The following DNAH9 variants were observed in gnomAD, a reference collection of about 807,000 sequenced individuals.
The protein encoded by DNAH9 is DNAH9 variant protein.
A neutral mutation model predicts 471.6 loss-of-function variants in DNAH9; 345 were observed. The observed-to-expected ratio is 0.73, with a 90% CI of 0.67 to 0.80. DNAH9 has a LOEUF of 0.80. Among genes scored for constraint, DNAH9 ranks in the 30% least tolerant of loss-of-function variants. The pLI is 0.00. For missense variants in DNAH9, 5,407 were observed against 5,609.2 expected, an observed-to-expected ratio of 0.96 and a Z score of 1.15; for synonymous variants, 2,093 against 2,123.6, an observed-to-expected ratio of 0.99 and a Z score of 0.40.
chr17:11,639,205 C>T (rs1299377991), intron 9 of DNAH9, among the ~76,000 whole-genome samples: 2 of 152,074 alleles, frequency 1.3e-5, no homozygotes, highest in African/African-American at 4.8e-5. Flanking sequence ...CATTGGGGGT[C>T]ATCTTAGAGT....
chr17:11,630,720 T>A (rs759522756), intron 7 of DNAH9, among the ~76,000 whole-genome samples: 45 of 152,106 alleles, frequency 3.0e-4, no homozygotes, highest in Non-Finnish European at 5.4e-4. Context: ...AAAATAATTT[T>A]AAAAAAAGAA....
intron 60 of DNAH9, among the ~76,000 whole-genome samples, chr17:11,904,036 G>C (rs1597808223): frequency 2.0e-5 from 3 of 152,184 alleles, no homozygotes; most frequent in African/African-American, 7.2e-5. Flanking sequence ...AGGATAAAAG[G>C]CTTGGGTCAA....
chr17:11,911,861 A>C (rs1973802561), intron 61 of DNAH9, among the ~76,000 whole-genome samples: 3 of 152,010 alleles, frequency 2.0e-5, no homozygotes, highest in Admixed American at 2.0e-4. Context: ...TGTTTCCTTA[A>C]TTTCAGTTGC....
chr17:11,749,075 TTTTTTTTTTTG>T (rs1967037029), intron 32 of DNAH9, among the ~76,000 whole-genome samples: 6 of 17,226 alleles, frequency 3.5e-4, no homozygotes, highest in Admixed American at 2.4e-3. Context: ...TTTTTTTTTG[TTTTTTTTTTTG>T]TTTTTTTTTT....
chr17:11,618,208 T>C (rs2150653177), intron 5 of DNAH9, among the ~76,000 whole-genome samples: 1 of 152,322 alleles, frequency 6.6e-6, no homozygotes, highest in South Asian at 2.1e-4. Context: ...AGCAGCTTCT[T>C]AGATTATGCA....
intron 45 of DNAH9, among the ~76,000 whole-genome samples, chr17:11,816,265 A>T (rs2150934223): frequency 6.6e-6 from 1 of 152,344 alleles, no homozygotes; most frequent in Admixed American, 6.5e-5. Context: ...AAAAAGAAGG[A>T]TTAAATGGCT....
intron 24 of DNAH9, among the ~76,000 whole-genome samples, chr17:11,702,934 A>G (rs1046352784): frequency 6.6e-6 from 1 of 152,090 alleles, no homozygotes; most frequent in African/African-American, 2.4e-5. Context: ...CTACTAAAAA[A>G]TACAAAAAAT....
chr17:11,919,687 A>C (rs1974074020), intron 61 of DNAH9, among the ~76,000 whole-genome samples: 1 of 152,082 alleles, frequency 6.6e-6, no homozygotes. Flanking sequence ...ACTTAAACTC[A>C]GAGTTGGGGT....
intron 35 of DNAH9, among the ~76,000 whole-genome samples, chr17:11,760,796 G>A (rs1347033927): frequency 6.6e-6 from 1 of 152,184 alleles, no homozygotes; most frequent in Non-Finnish European, 1.5e-5. Flanking sequence ...GGGATTACAG[G>A]CGTGAGCCGC....
At chr17:11,859,057 A>G (rs1246928567) in intron 50 of DNAH9, among the ~76,000 whole-genome samples, 2 of 132,010 alleles carry the variant, frequency 1.5e-5, no homozygotes, top group African/African-American at 2.9e-5. Context: ...GCACTCCAGC[A>G]TGGGCAGCAA....
rs187975975 is a variant in DNAH9, at chr17:11,776,447, A to G, written c.7553-4562A>G. 2.7e-3 allele frequency among the ~76,000 whole-genome samples: 408 copies of G among 152,126 alleles called. 1 individual carries two copies. Among genetic ancestry groups the G allele is most frequent in the African/African-American group, 9.5e-3 (394 of 41,512 alleles). Reference sequence around the variant, plus strand: ...TTTATAAACTTATGCCTATGTCTTCATGTTCAAAACTGTGCCTCATGACCA... The same window carrying G: ...TTTATAAACTTATGCCTATGTCTTCGTGTTCAAAACTGTGCCTCATGACCA... On this transcript the variant is annotated intron_variant, in intron 38 of 68. Transcript: ENST00000262442.
chr17:11,738,031 C>T (rs955729158), intron 28 of DNAH9, among the ~76,000 whole-genome samples: 46 of 152,230 alleles, frequency 3.0e-4, no homozygotes, highest in African/African-American at 1.1e-3. Flanking sequence ...TCCTCACCAT[C>T]ACACAATACC....
At chr17:11,959,819 A>G (rs768919186) in intron 67 of DNAH9, among the ~76,000 whole-genome samples, 56 of 152,034 alleles carry the variant, frequency 3.7e-4, no homozygotes, top group Non-Finnish European at 2.2e-4. Context: ...AATGAAATCT[A>G]TTTTCTATCC....
chr17:11,823,612 C>T (rs1970389784), intron 48 of DNAH9, among the ~76,000 whole-genome samples: 1 of 152,190 alleles, frequency 6.6e-6, no homozygotes. Flanking sequence ...TCATCTATCT[C>T]TATCTGAGTA....
At chr17:11,956,030 G>T (rs532080233) in intron 67 of DNAH9, among the ~76,000 whole-genome samples, 3 of 152,278 alleles carry the variant, frequency 2.0e-5, no homozygotes, top group South Asian at 4.1e-4. Flanking sequence ...TTGCTAGCAG[G>T]CATTTCTAAG....
At chr17:11,710,689 G>T (rs1597517347) in intron 26 of DNAH9, among the ~76,000 whole-genome samples, 1 of 152,096 alleles carries the variant, frequency 6.6e-6, no homozygotes, top group Admixed American at 6.6e-5. Context: ...TATCACTTCT[G>T]TGGTTAGAAA....
rs1486961997 is a variant in DNAH9 at position 11,853,268 on chromosome 17, T to C, written c.9508-735T>C. 3 of 152,224 alleles carry C rather than the reference T, an allele frequency of 2.0e-5. No individual in the cohort carries two copies. In the East Asian group the frequency reaches 5.8e-4, roughly 29 times the overall value. 9.4% of individuals were successfully genotyped at this position (152,224 alleles called of 1,614,324 possible). A position where few individuals can be genotyped will look rare whatever the true frequency, so the allele number is the denominator to read the frequency against. On this transcript the variant is annotated intron_variant, in intron 49 of 68. Coordinates refer to ENST00000262442, the MANE Select transcript of DNAH9 (RefSeq NM_001372.4). The stretch of plus-strand genomic sequence containing the variant: ...ATTGTAGGCTTCTCACCGAATGTCA[T>C]AGCAGGCCTTAAATCAACTTCATAC...
intron 57 of DNAH9, 37 bp from the exon 58 acceptor site, chr17:11,891,740 C>G: frequency 6.2e-7 from 1 of 1,607,964 alleles, no homozygotes; most frequent in East Asian, 2.2e-5. Flanking sequence ...AGTAAGAGGG[C>G]TGTGTACCTT....
At chr17:11,653,047 A>G in intron 14 of DNAH9, 45 bp downstream of exon 14, 1 of 1,594,946 alleles carries the variant, frequency 6.3e-7, no homozygotes, top group Non-Finnish European at 8.5e-7. Flanking sequence ...AGTTTAGGGA[A>G]AGCATCAAAA....
Sources: gnomAD v4.1 joint callset for allele counts (sites outside exome capture counted in the v4.1 genomes callset) on GRCh38, gnomAD v4.1.1 for gene constraint, MANE v1.5 for transcripts, NCBI Gene and HGNC (gene_info 2026-07-23, HGNC 2026-07-21) for gene names.